Variants in MTCL3 observed in about 807,000 individuals in gnomAD.
MTCL3 encodes the protein microtubule cross-linking factor 3.
the MTCL3 span, among the ~76,000 whole-genome samples, chr6:127,514,073 T>G: frequency 6.6e-6 from 1 of 152,206 alleles, no homozygotes; most frequent in African/African-American, 2.4e-5. Context: ...GCAAGGAGAT[T>G]AAGTTAATGT....
chr6:127,479,991 G>A, the MTCL3 span, among the ~76,000 whole-genome samples: 1 of 152,272 alleles, frequency 6.6e-6, no homozygotes, highest in East Asian at 1.9e-4. Context: ...TTTCCACAGT[G>A]AAAGGTAGGC....
chr6:127,516,018 T>G, the MTCL3 span: 1 of 1,585,552 alleles, frequency 6.3e-7, no homozygotes, highest in Non-Finnish European at 8.5e-7. Context: ...CGCGTACGCC[T>G]TTCCCTCGCC....
the MTCL3 span, among the ~76,000 whole-genome samples, chr6:127,494,701 G>A: frequency 6.6e-6 from 1 of 152,062 alleles, no homozygotes; most frequent in Admixed American, 6.5e-5. Context: ...TTTGGAGCAG[G>A]GTATGGGTTA....
the MTCL3 span, among the ~76,000 whole-genome samples, chr6:127,478,305 G>A: frequency 6.6e-6 from 1 of 152,178 alleles, no homozygotes; most frequent in Non-Finnish European, 1.5e-5. Flanking sequence ...TTTCAAAATA[G>A]GATGTACTCC....
chr6:127,507,842 C>CAAAA, the MTCL3 span, among the ~76,000 whole-genome samples: 10 of 82,090 alleles, frequency 1.2e-4, no homozygotes, highest in Non-Finnish European at 1.5e-4. Flanking sequence ...GACTATGTCT[C>CAAAA]AAAAAAAAAA....
the MTCL3 span, chr6:127,475,495 C>G: frequency 1.2e-6 from 2 of 1,613,450 alleles, no homozygotes; most frequent in Non-Finnish European, 1.7e-6. This position sits in a 1 kb window ranked among gnomAD's most constrained non-coding sequence, Gnocchi z 7.3. Context: ...CACGTAGATG[C>G]GCGCCTCGGT....
chr6:127,515,655 C>T, the MTCL3 span: 109 of 1,479,788 alleles, frequency 7.4e-5, 2 homozygotes, highest in South Asian at 1.4e-3. This position sits in a 1 kb window ranked among gnomAD's most constrained non-coding sequence, Gnocchi z 4.3. Flanking sequence ...CCTCTGCGCT[C>T]TGCTGGGGGC....
At chr6:127,497,071 G>A in the MTCL3 span, among the ~76,000 whole-genome samples, 1 of 152,052 alleles carries the variant, frequency 6.6e-6, no homozygotes, top group Non-Finnish European at 1.5e-5. Context: ...TCACTACTAT[G>A]GTAATTAAAA....
the MTCL3 span, among the ~76,000 whole-genome samples, chr6:127,474,062 C>T: frequency 8.8e-3 from 1,340 of 151,984 alleles, 14 homozygotes; most frequent in South Asian, 0.027. Context: ...TTCAAGCTAC[C>T]GTATAGACTC....
chr6:127,475,180 G>C, the MTCL3 span: 38 of 1,165,712 alleles, frequency 3.3e-5, 1 homozygote, highest in East Asian at 8.3e-4. This position sits in a 1 kb window ranked among gnomAD's most constrained non-coding sequence, Gnocchi z 7.3. Context: ...GGCCCTGAGC[G>C]GGGGCTTCCC....
the MTCL3 span, chr6:127,516,235 G>T: frequency 2.8e-6 from 4 of 1,433,710 alleles, no homozygotes; most frequent in South Asian, 1.5e-5. Flanking sequence ...CGCGGCGGGG[G>T]CCGCTTCAGC....
the MTCL3 span, chr6:127,515,522 T>A: frequency 1.4e-6 from 2 of 1,444,466 alleles, no homozygotes; most frequent in African/African-American, 3.0e-5. The surrounding 1 kb of genome is among the most constrained non-coding windows in gnomAD (Gnocchi z 4.3). Flanking sequence ...ACCTTGAGAG[T>A]CTCGTTTTCC....
At chr6:127,495,636 A>G in the MTCL3 span, among the ~76,000 whole-genome samples, 4 of 152,226 alleles carry the variant, frequency 2.6e-5, no homozygotes, top group Non-Finnish European at 5.9e-5. Flanking sequence ...ATTATTCTTT[A>G]CACAATTACA....
chr6:127,511,840 C>G, the MTCL3 span, among the ~76,000 whole-genome samples: 2 of 152,158 alleles, frequency 1.3e-5, no homozygotes, highest in African/African-American at 4.8e-5. Flanking sequence ...CTTAATCAGA[C>G]TGTTGATAAT....
chr6:127,490,376 C>A, the MTCL3 span, among the ~76,000 whole-genome samples: 1 of 152,096 alleles, frequency 6.6e-6, no homozygotes, highest in Non-Finnish European at 1.5e-5. Context: ...GCCCATAGAT[C>A]ATGGAGTAAC....
chr6:127,475,328 C>G, the MTCL3 span: 1 of 1,611,940 alleles, frequency 6.2e-7, no homozygotes, highest in Admixed American at 1.7e-5. The surrounding 1 kb of genome is among the most constrained non-coding windows in gnomAD (Gnocchi z 7.3). Flanking sequence ...GCGCCGCGGT[C>G]GTCCGCAGAC....
chr6:127,488,627 TCTACTTTA>T, the MTCL3 span, among the ~76,000 whole-genome samples: 30 of 152,182 alleles, frequency 2.0e-4, no homozygotes, highest in East Asian at 4.8e-3. Flanking sequence ...TTTGAAAAGG[TCTACTTTA>T]AAAGTAGACC....
the MTCL3 span, among the ~76,000 whole-genome samples, chr6:127,502,994 T>G: frequency 6.6e-6 from 1 of 152,234 alleles, no homozygotes; most frequent in Non-Finnish European, 1.5e-5. Context: ...AATAGATTTT[T>G]CCCTACAGCC....
the MTCL3 span, among the ~76,000 whole-genome samples, chr6:127,478,231 T>C: frequency 6.6e-6 from 1 of 152,172 alleles, no homozygotes; most frequent in African/African-American, 2.4e-5. Flanking sequence ...AGGGGTCTCA[T>C]TGGATTGTAT....
Sources: allele counts gnomAD v4.1 joint callset (sites outside exome capture counted in the v4.1 genomes callset), GRCh38; gene constraint gnomAD v4.1.1; non-coding constraint Gnocchi (gnomAD v3.1); transcripts MANE v1.5; gene names NCBI Gene and HGNC (gene_info 2026-07-23, HGNC 2026-07-21).